ALG8: variants seen among roughly 807,000 people sequenced by gnomAD.
The protein encoded by ALG8 is ALG8 alpha-1,3-glucosyltransferase.
Under a neutral mutation model 70.2 loss-of-function variants are expected in ALG8, and 48 were observed. That is an observed-to-expected ratio of 0.68 (90% CI 0.54 to 0.87). ALG8 has a LOEUF of 0.87. ALG8 is among the 40% of genes least tolerant of loss of function. The pLI is 0.00. For missense variants in ALG8, 572 were observed against 608.7 expected (o/e 0.94, Z 0.64); for synonymous variants, 234 against 229.0 (o/e 1.02, Z -0.20).
chr11:78,108,325 A>T (rs1003276220), intron 9 of ALG8, among the ~76,000 whole-genome samples: 1 of 151,896 alleles, frequency 6.6e-6, no homozygotes, highest in African/African-American at 2.4e-5. Context: ...CAAAACAATT[A>T]GCTGGGTGCA....
At chr11:78,128,444 C>A (rs1861172059) in intron 1 of ALG8, among the ~76,000 whole-genome samples, 1 of 152,096 alleles carries the variant, frequency 6.6e-6, no homozygotes, top group African/African-American at 2.4e-5. Flanking sequence ...TCCAGCCAAC[C>A]CTTCTTTCTC....
At chr11:78,129,419 CAAAA>C (rs55640013) in intron 1 of ALG8, among the ~76,000 whole-genome samples, 9 of 141,046 alleles carry the variant, frequency 6.4e-5, no homozygotes, top group Non-Finnish European at 6.1e-5. Flanking sequence ...GACTCCGTCT[CAAAA>C]AAAAAAAAAA....
chr11:78,134,902 C>G (rs564865336), intron 1 of ALG8, among the ~76,000 whole-genome samples: 1 of 152,298 alleles, frequency 6.6e-6, no homozygotes, highest in Non-Finnish European at 1.5e-5. Flanking sequence ...CTTCCAAACT[C>G]TTGTTAATGT....
chr11:78,128,696 C>T (rs773894210), intron 1 of ALG8, among the ~76,000 whole-genome samples: 19 of 151,650 alleles, frequency 1.3e-4, no homozygotes, highest in African/African-American at 3.6e-4. Flanking sequence ...CTGCAAACTC[C>T]GTCTCCCAGG....
chr11:78,104,083 T>G, intron 11 of ALG8, 31 bp from the exon 12 acceptor site: 16 of 1,339,508 alleles, frequency 1.2e-5, no homozygotes, highest in Non-Finnish European at 1.7e-5. Flanking sequence ...AAAAGATAAT[T>G]TAGCTGATGA....
rs1353537328 is a variant in ALG8, at chr11:78,111,467, C to T, written c.898+1183G>A. Reference sequence around the variant, plus strand: ...TGCCACACACTGCAATAGCAATTTACACAGGTGAGCCTCCAAACCAAGTCA... The same window carrying T: ...TGCCACACACTGCAATAGCAATTTATACAGGTGAGCCTCCAAACCAAGTCA... On this transcript the variant is annotated intron_variant, in intron 8 of 12. Transcript: ENST00000299626. Among the ~76,000 whole-genome samples the T allele has an allele frequency of 3.3e-5, 5 of 152,238 alleles. No individual in the cohort carries two copies. The East Asian group carries it at 9.6e-4, about 29-fold the overall frequency.
At chr11:78,127,327 T>A (rs1861123097) in intron 2 of ALG8, 31 bp downstream of exon 2, 1 of 1,358,384 alleles carries the variant, frequency 7.4e-7, no homozygotes, top group East Asian at 2.5e-5. Context: ...AGATGAATCT[T>A]AAAAAAAAAA....
chr11:78,116,242 T>G (rs1027251900), intron 5 of ALG8, among the ~76,000 whole-genome samples: 3 of 152,050 alleles, frequency 2.0e-5, no homozygotes, highest in Admixed American at 1.3e-4. Flanking sequence ...GTGCCTGTAA[T>G]CCCAGCTACT....
At chr11:78,117,610 C>T (rs1207783524) in intron 5 of ALG8, among the ~76,000 whole-genome samples, 1 of 95,828 alleles carries the variant, frequency 1.0e-5, no homozygotes, top group African/African-American at 4.4e-5. Context: ...TCCTTCTCTA[C>T]CAAAAAAAAA....
intron 8 of ALG8, among the ~76,000 whole-genome samples, chr11:78,111,761 T>C (rs1219652525): frequency 1.3e-5 from 2 of 152,148 alleles, no homozygotes; most frequent in Non-Finnish European, 1.5e-5. Context: ...AGCTAGATTG[T>C]ATTCACAAAT....
chr11:78,112,838 G>A, intron 7 of ALG8, 68 bp from the exon 8 acceptor site: 2 of 1,573,494 alleles, frequency 1.3e-6, no homozygotes, highest in Non-Finnish European at 1.7e-6. Context: ...AAGAGAACTA[G>A]GGAACTCTCT....
intron 10 of ALG8, among the ~76,000 whole-genome samples, chr11:78,105,246 C>T (rs1212019000): frequency 6.6e-6 from 1 of 152,106 alleles, no homozygotes; most frequent in East Asian, 1.9e-4. Context: ...GACAAATTTG[C>T]TTAATATATG....
intron 1 of ALG8, among the ~76,000 whole-genome samples, chr11:78,131,151 A>T (rs897715222): frequency 3.3e-5 from 5 of 152,008 alleles, no homozygotes; most frequent in Non-Finnish European, 7.4e-5. Flanking sequence ...ACTGTTGGAG[A>T]CTTCACTTTT....
At chr11:78,130,348 C>CAAAAAAGAAA (rs1861254397) in intron 1 of ALG8, among the ~76,000 whole-genome samples, 1 of 49,180 alleles carries the variant, frequency 2.0e-5, no homozygotes, top group Non-Finnish European at 3.2e-5. Flanking sequence ...GACCCGGTCT[C>CAAAAAAGAAA]AAAAAAAAAA....
intron 5 of ALG8, chr11:78,114,802 CAAAA>C (rs1197084667): frequency 5.5e-6 from 2 of 363,172 alleles, no homozygotes; most frequent in Non-Finnish European, 1.1e-5. Context: ...CCTGTCTCTA[CAAAA>C]AAATAAAAAA....
At chr11:78,110,991 G>A (rs922101422) in intron 8 of ALG8, among the ~76,000 whole-genome samples, 2 of 152,154 alleles carry the variant, frequency 1.3e-5, no homozygotes, top group African/African-American at 2.4e-5. Flanking sequence ...ATACTATGCT[G>A]GCTGTTTAAA....
chr11:78,110,116 ACT>A (rs1387971583), intron 8 of ALG8, among the ~76,000 whole-genome samples: 1 of 151,910 alleles, frequency 6.6e-6, no homozygotes, highest in African/African-American at 2.4e-5. Context: ...TGCCAAATTA[ACT>A]TCTAATTCAA....
At chr11:78,127,036 G>A (rs980203573) in intron 2 of ALG8, among the ~76,000 whole-genome samples, 6 of 151,786 alleles carry the variant, frequency 4.0e-5, no homozygotes, top group Non-Finnish European at 8.8e-5. Context: ...CTGGAGTGCA[G>A]TGGCGCGATC....
At chr11:78,139,158 G>C (rs966958622) in intron 1 of ALG8, 2 of 391,356 alleles carry the variant, frequency 5.1e-6, no homozygotes, top group Admixed American at 7.9e-5. Flanking sequence ...CATCTCCCGG[G>C]AGTTAGAACG....
Sources: gnomAD v4.1 joint callset for allele counts (sites outside exome capture counted in the v4.1 genomes callset) on GRCh38, gnomAD v4.1.1 for gene constraint, MANE v1.5 for transcripts, NCBI Gene and HGNC (gene_info 2026-07-23, HGNC 2026-07-21) for gene names.